Variants in LMBR1 observed in about 807,000 individuals in gnomAD.
LMBR1 encodes limb development membrane protein 1, also known as limb region 1 protein homolog.
In LMBR1, 52 loss-of-function variants were observed where a neutral mutation model predicts 73.9. The observed-to-expected ratio is 0.70, with a 90% CI of 0.56 to 0.89. The LOEUF (loss-of-function observed/expected upper bound fraction) is 0.89, where lower values mean the gene tolerates loss of function less well. Among genes scored for constraint, LMBR1 ranks in the 40% least tolerant of loss-of-function variants. The probability of loss-of-function intolerance (pLI) is 0.00; values close to 1 mark genes in which losing one functional copy is unlikely to be tolerated. For synonymous variants in LMBR1, 215 were observed against 209.4 expected (o/e 1.03, Z -0.23); for missense variants, 539 against 579.8 (o/e 0.93, Z 0.72).
intron 1 of LMBR1, among the ~76,000 whole-genome samples, chr7:156,863,407 A>T (rs1253843108): frequency 6.6e-6 from 1 of 151,926 alleles, no homozygotes; most frequent in Admixed American, 6.6e-5. Context: ...GTGCCCACCC[A>T]GATTAAGTGT....
At chr7:156,846,606 G>A (rs1795511439) in intron 1 of LMBR1, among the ~76,000 whole-genome samples, 1 of 152,100 alleles carries the variant, frequency 6.6e-6, no homozygotes, top group South Asian at 2.1e-4. Context: ...CAAGATGTCG[G>A]TTCTTCCCAA....
chr7:156,693,347 A>C (rs1321104711), intron 15 of LMBR1, among the ~76,000 whole-genome samples: 8 of 148,978 alleles, frequency 5.4e-5, no homozygotes, highest in Non-Finnish European at 1.2e-4. Context: ...GAAAATATAG[A>C]AACATTAGAA....
At chr7:156,740,303 G>T (rs534695782) in intron 9 of LMBR1, among the ~76,000 whole-genome samples, 47 of 152,284 alleles carry the variant, frequency 3.1e-4, no homozygotes, top group African/African-American at 1.1e-3. Context: ...GCAAAGAGGA[G>T]GCAGAGAAAG....
At chr7:156,880,410 G>A (rs1586435095) in intron 1 of LMBR1, among the ~76,000 whole-genome samples, 1 of 152,040 alleles carries the variant, frequency 6.6e-6, no homozygotes, top group East Asian at 1.9e-4. Flanking sequence ...TACTGCTTGT[G>A]TGATGGGTGC....
chr7:156,867,686 A>T (rs1798658458), intron 1 of LMBR1, among the ~76,000 whole-genome samples: 2 of 152,238 alleles, frequency 1.3e-5, no homozygotes, highest in South Asian at 4.1e-4. Context: ...GAATCAATTT[A>T]CGTAAGAAAT....
intron 1 of LMBR1, among the ~76,000 whole-genome samples, chr7:156,877,472 G>A (rs1240183113): frequency 2.0e-5 from 3 of 152,162 alleles, no homozygotes; most frequent in Admixed American, 1.3e-4. Context: ...CAATATCCTT[G>A]ATGAAGACAG....
chr7:156,804,109 G>T (rs185447536), intron 4 of LMBR1, among the ~76,000 whole-genome samples: 4 of 151,932 alleles, frequency 2.6e-5, no homozygotes, highest in African/African-American at 7.3e-5. Flanking sequence ...AAGCCTGCAC[G>T]TTGTGCACAT....
Position 156,763,155 on chromosome 7 carries a change from G to T in LMBR1, c.572C>A (p.Pro191His). The T allele has an allele frequency of 7.2e-7, 1 of 1,395,346 alleles. No individual in the cohort carries two copies. The highest frequency in any genetic ancestry group is 2.1e-5 in the Admixed American group (1 of 48,656). The allele number at this position is 1,395,346 out of a possible 1,614,324, so 86.4% of individuals were successfully genotyped here. ...CAATGATATACAGGAATATAAATAG[G>T]GTAGATAGAACTCCCAGAGATCTAT... ...SLYDLWEFYL[P>H]YLYSCISLMG... Residue 191 changes from proline (P) to histidine (H), a missense_variant, in exon 7 of 17, where the codon CCC (proline) becomes CAC (histidine). Physicochemically the swap from Pro to His is moderately conservative, Grantham distance 77 (BLOSUM62 -2). Coordinates refer to ENST00000353442, the MANE Select transcript of LMBR1 (RefSeq NM_022458.4).
intron 10 of LMBR1, among the ~76,000 whole-genome samples, chr7:156,733,203 T>C (rs1046143992): frequency 7.2e-5 from 11 of 152,024 alleles, no homozygotes; most frequent in African/African-American, 2.7e-4. Flanking sequence ...CCAACAAGGG[T>C]AAAATCTCAC....
In LMBR1 at chr7:156,683,758, CAT is replaced by C. The variant is rs1444171433; in HGVS notation, c.*318_*319del. 1.4e-5 allele frequency: 3 copies of C among 217,462 alleles called. No individual in the cohort carries two copies. Among genetic ancestry groups the C allele is most frequent in the African/African-American group, 6.8e-5 (3 of 43,934 alleles). 13.5% of individuals were successfully genotyped at this position (217,462 alleles called of 1,614,324 possible). ...CGGAGTTTGCCTTTTCTAACATTTT[CAT>C]ATCAGGTGAAAACAATTTTTTCATA... is the stretch of plus-strand genomic sequence containing the variant. On this transcript the variant is annotated 3_prime_UTR_variant, in exon 17 of 17. Coordinates refer to ENST00000353442, the MANE Select transcript of LMBR1 (RefSeq NM_022458.4).
At chr7:156,833,642 T>C in intron 3 of LMBR1, 111 bp downstream of exon 3, 2 of 739,070 alleles carry the variant, frequency 2.7e-6, no homozygotes, top group Non-Finnish European at 4.6e-6. Context: ...AAAGCTATTG[T>C]AATGTGCTGG....
chr7:156,853,226 C>G (rs1205357420), intron 1 of LMBR1, among the ~76,000 whole-genome samples: 1 of 152,104 alleles, frequency 6.6e-6, no homozygotes, highest in Non-Finnish European at 1.5e-5. Flanking sequence ...GCGTGAGCCA[C>G]CGCACCCGGC....
At chr7:156,831,201 C>T (rs1836611882) in intron 3 of LMBR1, among the ~76,000 whole-genome samples, 1 of 149,200 alleles carries the variant, frequency 6.7e-6, no homozygotes, top group Admixed American at 6.7e-5. Context: ...TCTAAGCAGA[C>T]AAAACAGGTC....
At chr7:156,694,369 G>A (rs995242052) in intron 15 of LMBR1, among the ~76,000 whole-genome samples, 1 of 151,500 alleles carries the variant, frequency 6.6e-6, no homozygotes, top group Admixed American at 6.6e-5. Flanking sequence ...CTGGACTCAA[G>A]CTATCCACCC....
At chr7:156,820,614 T>C (rs570067223) in intron 4 of LMBR1, among the ~76,000 whole-genome samples, 12 of 152,340 alleles carry the variant, frequency 7.9e-5, no homozygotes, top group South Asian at 2.1e-4. Flanking sequence ...TATATGGAGA[T>C]ATCCTTTCTA....
At chr7:156,869,920 G>C (rs979136780) in intron 1 of LMBR1, among the ~76,000 whole-genome samples, 16 of 152,078 alleles carry the variant, frequency 1.1e-4, no homozygotes, top group Non-Finnish European at 2.4e-4. Flanking sequence ...AAAAGGACAA[G>C]TTTTTGTTTA....
chr7:156,767,577 A>C (rs1178785490), intron 5 of LMBR1, among the ~76,000 whole-genome samples: 1 of 152,034 alleles, frequency 6.6e-6, no homozygotes, highest in Non-Finnish European at 1.5e-5. Context: ...CTAAAAACTT[A>C]AGGTTACCAC....
At chr7:156,834,544 A>G (rs1296154970) in intron 2 of LMBR1, 1 of 319,206 alleles carries the variant, frequency 3.1e-6, no homozygotes, top group Non-Finnish European at 6.4e-6. Flanking sequence ...TCGAGGCTAC[A>G]GTCAGCCATG....
In LMBR1 at chr7:156,874,083, G is replaced by A. The variant is rs370031091; in HGVS notation, c.66+18845C>T. Among the ~76,000 whole-genome samples, 97 of 152,356 alleles carry A rather than the reference G, an allele frequency of 6.4e-4. No individual in the cohort carries two copies. In the East Asian group the frequency reaches 0.013, roughly 21 times the overall value. ...GGTGCTCGTCGGGGAGGCTCAGGCC[G>A]CACAGGAGCCCATGGAGTGGGTGGG... On this transcript the variant is annotated intron_variant, in intron 1 of 16. Transcript: ENST00000353442.
Sources: gnomAD v4.1 joint callset for allele counts (sites outside exome capture counted in the v4.1 genomes callset) on GRCh38, gnomAD v4.1.1 for gene constraint, MANE v1.5 for transcripts, NCBI Gene and HGNC (gene_info 2026-07-23, HGNC 2026-07-21) for gene names.